The following SCGB2A2 variants were observed in gnomAD, a reference collection of about 807,000 sequenced individuals.
SCGB2A2 encodes the protein secretoglobin family 2A member 2.
In SCGB2A2, 11 loss-of-function variants were observed where a neutral mutation model predicts 8.8. The ratio of observed to expected loss-of-function variants is 1.25; its 90% CI spans 0.79 to 2.07. The LOEUF is 2.07. SCGB2A2 is among the 30% of genes most tolerant of loss of function. The probability of loss-of-function intolerance (pLI) is 0.00; values close to 1 mark genes in which losing one functional copy is unlikely to be tolerated. For synonymous variants in SCGB2A2, 42 were observed against 40.9 expected, an observed-to-expected ratio of 1.03 and a Z score of -0.10; for missense variants, 113 against 109.9, an observed-to-expected ratio of 1.03 and a Z score of -0.13.
chr11:62,272,815 T>G lies in SCGB2A2; in HGVS notation c.244-142T>G, dbSNP rs573506752. The G allele has an allele frequency of 5.9e-6, 3 of 512,374 alleles. No individual in the cohort carries two copies. The East Asian group carries it at 9.5e-5, about 16-fold the overall frequency. The allele number at this position is 512,374 out of a possible 1,614,324, so 31.7% of individuals were successfully genotyped here. A position where few individuals can be genotyped will look rare whatever the true frequency, so the allele number is the denominator to read the frequency against. ...GGGGAAATGATCCAGAAACAACAGC[T>G]CTTCTACTTCCAGCCCTAACCGTCT... On this transcript the variant is annotated intron_variant, in intron 2 of 2. Transcript: ENST00000227918.
chr11:62,271,497 A>G, intron 2 of SCGB2A2: 1 of 1,213,782 alleles, frequency 8.2e-7, no homozygotes, highest in Admixed American at 4.0e-5. Flanking sequence ...ACAGGCAAAG[A>G]CACAGACACA....
chr11:62,272,810 A>T, intron 2 of SCGB2A2, 147 bp from the exon 3 acceptor site: 1 of 504,900 alleles, frequency 2.0e-6, no homozygotes, highest in East Asian at 3.2e-5. Flanking sequence ...TCCAGAAACA[A>T]CAGCTCTTCT....
intron 2 of SCGB2A2, chr11:62,272,086 C>A: frequency 1.7e-6 from 1 of 577,758 alleles, no homozygotes; most frequent in South Asian, 8.4e-5. Flanking sequence ...CCAAACCCCT[C>A]CATTAGGATG....
At position 62,273,012 on chromosome 11, in the gene SCGB2A2, T is replaced by C; in HGVS notation, c.*17T>C. The C allele has an allele frequency of 6.2e-7, 1 of 1,602,178 alleles. No individual in the cohort carries two copies. Among genetic ancestry groups the C allele is most frequent in the East Asian group, 2.2e-5 (1 of 44,564 alleles). The stretch of plus-strand genomic sequence containing the variant: ...TTATTTTAACTTTCTGCAAGACCTT[T>C]GGCTCACAGAACTGCAGGGTATGGT... On this transcript the variant is annotated 3_prime_UTR_variant, in exon 3 of 3. Transcript: ENST00000227918.
At chr11:62,271,642 C>G in intron 2 of SCGB2A2, 2 of 997,712 alleles carry the variant, frequency 2.0e-6, no homozygotes, top group Non-Finnish European at 2.4e-6. Flanking sequence ...TATGTTCACT[C>G]TCTACAGAAA....
chr11:62,271,294 G>A, intron 2 of SCGB2A2: 7 of 1,447,204 alleles, frequency 4.8e-6, no homozygotes, highest in South Asian at 3.0e-5. Flanking sequence ...AAATGAATAG[G>A]GCAAGAGAGG....
chr11:62,272,174 A>G (rs61896567), intron 2 of SCGB2A2: 26,279 of 199,768 alleles, frequency 0.13, 2,088 homozygotes, highest in Middle Eastern at 0.18. Context: ...GCGAGTGAAG[A>G]GTGAAGCAAA....
rs1440030217 is a variant in SCGB2A2, at chr11:62,271,590, CAG to C, written c.243+526_243+527del. The stretch of plus-strand genomic sequence containing the variant: ...ACAGAACCACACAACCACAGAAACA[CAG>C]AGACACACACAAACACACTCAGACA... On this transcript the variant is annotated intron_variant, in intron 2 of 2. Coordinates refer to ENST00000227918, the MANE Select transcript of SCGB2A2 (RefSeq NM_002411.4). 4.8e-6 allele frequency: 5 copies of C among 1,049,744 alleles called. No homozygotes were observed. In the African/African-American group the frequency reaches 5.0e-5, roughly 11 times the overall value. 65.0% of individuals were successfully genotyped at this position (1,049,744 alleles called of 1,614,324 possible). A position where few individuals can be genotyped will look rare whatever the true frequency, so the allele number is the denominator to read the frequency against.
Position 62,271,401 on chromosome 11 carries a change from AC to A in SCGB2A2, c.243+334del, listed in dbSNP as rs987700363. 3 of 1,425,622 alleles carry A rather than the reference AC, an allele frequency of 2.1e-6. No homozygotes were observed. The African/African-American group carries it at 4.3e-5, about 20-fold the overall frequency. The allele number at this position is 1,425,622 out of a possible 1,614,324, so 88.3% of individuals were successfully genotyped here. A position where few individuals can be genotyped will look rare whatever the true frequency, so the allele number is the denominator to read the frequency against. ...ATCACACAAACACAGAAACACACAT[AC>A]ACACATCCAGACACATGCAAACACA... On this transcript the variant is annotated intron_variant, in intron 2 of 2. Coordinates refer to ENST00000227918, the MANE Select transcript of SCGB2A2 (RefSeq NM_002411.4).
At chr11:62,272,647 C>CTTTTTTTT (rs71886885) in intron 2 of SCGB2A2, among the ~76,000 whole-genome samples, 68 of 94,378 alleles carry the variant, frequency 7.2e-4, no homozygotes, top group Non-Finnish European at 9.6e-4. Flanking sequence ...CAAAGTTTCA[C>CTTTTTTTT]TTTTTTTTTT....
intron 1 of SCGB2A2, 139 bp downstream of exon 1, chr11:62,270,410 G>A: frequency 2.5e-6 from 2 of 788,938 alleles, no homozygotes; most frequent in South Asian, 3.2e-5. Flanking sequence ...TCACCATGTT[G>A]CCCAGGCTGG....
At chr11:62,272,654 T>TC in intron 2 of SCGB2A2, among the ~76,000 whole-genome samples, 1 of 150,376 alleles carries the variant, frequency 6.6e-6, no homozygotes, top group East Asian at 1.9e-4. Flanking sequence ...TCACTTTTTT[T>TC]TTTTTTTTTT....
chr11:62,272,897 G>T, intron 2 of SCGB2A2, 60 bp from the exon 3 acceptor site: 1 of 1,298,650 alleles, frequency 7.7e-7, no homozygotes, highest in South Asian at 1.3e-5. Context: ...TGTTTTTCAA[G>T]ATTTTATTTT....
In SCGB2A2 at chr11:62,273,115, T is replaced by A. The variant is rs1945293060; in HGVS notation, c.*120T>A. The A allele has an allele frequency of 1.5e-6, 1 of 663,770 alleles. No homozygotes were observed. Among genetic ancestry groups the A allele is most frequent in the Admixed American group, 3.0e-5 (1 of 33,668 alleles). The allele number at this position is 663,770 out of a possible 1,614,324, so 41.1% of individuals were successfully genotyped here. A position where few individuals can be genotyped will look rare whatever the true frequency, so the allele number is the denominator to read the frequency against. On this transcript the variant is annotated 3_prime_UTR_variant, in exon 3 of 3. Coordinates refer to ENST00000227918, the MANE Select transcript of SCGB2A2 (RefSeq NM_002411.4). ...TTTACTACAAACTACAAGACAATTG[T>A]TGAAACCTGCTATACATGTTTATTT...
intron 2 of SCGB2A2, chr11:62,272,058 A>AAAAAAAAAT: frequency 1.3e-6 from 1 of 794,058 alleles, no homozygotes; most frequent in Non-Finnish European, 1.5e-6. Context: ...AAAAAAAAAA[A>AAAAAAAAAT]AAAAAGTTAG....
intron 2 of SCGB2A2, chr11:62,271,329 T>C: frequency 4.2e-6 from 6 of 1,441,436 alleles, no homozygotes; most frequent in Non-Finnish European, 5.4e-6. Context: ...GTAGAAGTCT[T>C]ACCTATCCCC....
chr11:62,270,961 C>T lies in SCGB2A2; in HGVS notation c.136C>T (p.Leu46Phe), dbSNP rs1208716918. The change falls in exon 2 of 3, where the codon CTT becomes TTT. Residue 46 changes from leucine (L) to phenylalanine (F), a missense_variant. Physicochemically the swap from Leu to Phe is conservative, Grantham distance 22. Transcript: ENST00000227918. ...GTCTAAGACTGAATACAAAGAACTT[C>T]TTCAAGAGTTCATAGACGACAATGC... ...QVSKTEYKEL[L>F]QEFIDDNATT... 1.2e-6 allele frequency: 2 copies of T among 1,613,960 alleles called. No individual in the cohort carries two copies. The highest frequency in any genetic ancestry group is 2.2e-5 in the East Asian group (1 of 44,888).
At chr11:62,271,495 A>C in intron 2 of SCGB2A2, 1 of 1,214,936 alleles carries the variant, frequency 8.2e-7, no homozygotes, top group African/African-American at 1.6e-5. Flanking sequence ...AGACAGGCAA[A>C]GACACAGACA....
In SCGB2A2 at chr11:62,270,986, C is replaced by T. The variant is rs941656689; in HGVS notation, c.161C>T (p.Ala54Val). The T allele has an allele frequency of 6.8e-6, 11 of 1,613,784 alleles. No homozygotes were observed. In the African/African-American group the frequency reaches 1.5e-4, roughly 22 times the overall value. ...CTTCAAGAGTTCATAGACGACAATG[C>T]CACTACAAATGCCATAGATGAATTG... is the stretch of plus-strand genomic sequence containing the variant. ...ELLQEFIDDN[A>V]TTNAIDELKE... is the part of the protein sequence containing the mutation. The change falls in exon 2 of 3, where the codon GCC (alanine) becomes GTC (valine). Residue 54 changes from alanine to valine, a missense_variant. Ala to Val is a moderately conservative substitution (Grantham distance 64). Coordinates refer to ENST00000227918, the MANE Select transcript of SCGB2A2 (RefSeq NM_002411.4).
Sources: allele counts gnomAD v4.1 joint callset (sites outside exome capture counted in the v4.1 genomes callset), GRCh38; gene constraint gnomAD v4.1.1; transcripts MANE v1.5; gene names NCBI Gene and HGNC (gene_info 2026-07-23, HGNC 2026-07-21).